Variants in TM4SF18 observed in about 807,000 individuals in gnomAD.
TM4SF18 encodes transmembrane 4 L six family member 18.
In TM4SF18, 22 loss-of-function variants were observed where a neutral mutation model predicts 23.8. The observed-to-expected ratio is 0.92, with a 90% CI of 0.66 to 1.32. The LOEUF is 1.32. TM4SF18 is among the 40% of genes most tolerant of loss of function. The pLI is 0.00. For synonymous variants in TM4SF18, 87 were observed against 87.9 expected (o/e 0.99, Z 0.06); for missense variants, 255 against 240.3 (o/e 1.06, Z -0.41).
chr3:149,330,878 T>A (rs528179355), intron 2 of TM4SF18, among the ~76,000 whole-genome samples: 3 of 152,324 alleles, frequency 2.0e-5, no homozygotes, highest in Non-Finnish European at 4.4e-5. Context: ...AGAGGCTCAG[T>A]TAATCTGAAA....
intron 3 of TM4SF18, among the ~76,000 whole-genome samples, chr3:149,328,282 G>GTCCTCGCA (rs1731000575): frequency 6.6e-6 from 1 of 152,116 alleles, no homozygotes; most frequent in African/African-American, 2.4e-5. Context: ...CCTTCTATGT[G>GTCCTCGCA]TCCTCGCATG....
Position 149,322,229 on chromosome 3 carries a change from C to A in TM4SF18, c.591+27G>T, listed in dbSNP as rs748708322. On this transcript the variant is annotated intron_variant, in intron 5 of 5. Coordinates refer to ENST00000296059, the MANE Select transcript of TM4SF18 (RefSeq NM_138786.4). ...GGGAAGTGGGGGAAATATGGATGAG[C>A]TACAGGTGCCCATGAGAATCTGTTA... The A allele has an allele frequency of 4.4e-6, 7 of 1,588,772 alleles. No individual in the cohort carries two copies. In the South Asian group the frequency reaches 8.0e-5, roughly 18 times the overall value.
chr3:149,326,140 T>C (rs1452016839), intron 3 of TM4SF18, among the ~76,000 whole-genome samples: 1 of 151,440 alleles, frequency 6.6e-6, no homozygotes, highest in African/African-American at 2.5e-5. Flanking sequence ...AACTTTTAAA[T>C]TTTTTTTGTA....
Position 149,324,936 on chromosome 3 carries a change from C to T in TM4SF18, c.354G>A (p.Gly118=), listed in dbSNP as rs1730903093. 6.2e-7 allele frequency: 1 copy of T among 1,614,004 alleles called. No individual in the cohort carries two copies. The highest frequency in any genetic ancestry group is 1.3e-5 in the African/African-American group (1 of 74,896). Residue 118 remains glycine, a synonymous_variant, in exon 4 of 6, where the codon GGG becomes GGA. Transcript: ENST00000296059. ...AGCCATCAAGGGTGCGGCAATATGG[C>T]CCTTGGACAAGACCCAAGGCAGAGA... ...LVISALGLVQ[G]PYCRTLDGWE... is the part of the protein sequence containing the mutation.
Position 149,319,016 on chromosome 3 carries a change from A to C in TM4SF18, c.*2462T>G, listed in dbSNP as rs778208320. On this transcript the variant is annotated 3_prime_UTR_variant, in exon 6 of 6. Coordinates refer to ENST00000296059, the MANE Select transcript of TM4SF18 (RefSeq NM_138786.4). ...TTAGCATATACTCTTCAAATATAGA[A>C]TATTTGGTGGCTGTGTTAAAATTTA... 1 of 152,234 alleles carries C rather than the reference A, an allele frequency of 6.6e-6. No homozygotes were observed. The highest frequency in any genetic ancestry group is 3.4e-3 in the Middle Eastern group (1 of 294). 9.4% of individuals were successfully genotyped at this position (152,234 alleles called of 1,614,324 possible). A position where few individuals can be genotyped will look rare whatever the true frequency, so the allele number is the denominator to read the frequency against.
rs200508709 is a variant in TM4SF18, at chr3:149,330,074, CTTAG to C, written c.267+252_267+255del. 701 of 263,610 alleles carry C rather than the reference CTTAG, an allele frequency of 2.7e-3. 3 individuals carry two copies. Among genetic ancestry groups the C allele is most frequent in the African/African-American group, 0.011 (497 of 45,434 alleles). 16.3% of individuals were successfully genotyped at this position (263,610 alleles called of 1,614,324 possible). On this transcript the variant is annotated intron_variant, in intron 3 of 5. Transcript: ENST00000296059. ...TAAAGAAAAAATAGACTAATGGAAA[CTTAG>C]TTAGGAAAAAAAAGTATTATTTCCT...
rs568217771 is a variant in TM4SF18 at position 149,327,213 on chromosome 3, G to A, written c.268-2191C>T. 2.0e-5 allele frequency among the ~76,000 whole-genome samples: 3 copies of A among 152,334 alleles called. No individual in the cohort carries two copies. In the South Asian group the frequency reaches 6.2e-4, roughly 32 times the overall value. On this transcript the variant is annotated intron_variant, in intron 3 of 5. Transcript: ENST00000296059. The stretch of plus-strand genomic sequence containing the variant: ...GATCCACCTGCCTTGGCCTCCCAAA[G>A]TGCTGGGATTACAGGCATGAGCCGC...
chr3:149,329,163 C>CAT (rs1462496076), intron 3 of TM4SF18, among the ~76,000 whole-genome samples: 1 of 119,798 alleles, frequency 8.3e-6, no homozygotes, highest in East Asian at 2.1e-4. Context: ...TGGTCACACA[C>CAT]ACACACACAC....
In TM4SF18 at chr3:149,333,156, T is replaced by A. The variant is rs745586243; in HGVS notation, c.177+50A>T. The A allele has an allele frequency of 8.0e-6, 12 of 1,497,188 alleles. No individual in the cohort carries two copies. The Admixed American group carries it at 2.1e-4, about 27-fold the overall frequency. The allele number at this position is 1,497,188 out of a possible 1,614,324, so 92.7% of individuals were successfully genotyped here. On this transcript the variant is annotated intron_variant, in intron 2 of 5. Coordinates refer to ENST00000296059, the MANE Select transcript of TM4SF18 (RefSeq NM_138786.4). ...TTACTTCTACTAGTTACAAGGTAAG[T>A]CTCAATTACAACTCCCCCTTCTCTC... is the stretch of plus-strand genomic sequence containing the variant.
rs1383617184 is a variant in TM4SF18, at chr3:149,333,589, T to G, written c.-94A>C. The G allele has an allele frequency of 2.4e-6, 1 of 424,792 alleles. No individual in the cohort carries two copies. Among genetic ancestry groups the G allele is most frequent in the South Asian group, 8.5e-5 (1 of 11,830 alleles). The allele number at this position is 424,792 out of a possible 1,614,324, so 26.3% of individuals were successfully genotyped here. On this transcript the variant is annotated 5_prime_UTR_variant, in exon 1 of 6. Coordinates refer to ENST00000296059, the MANE Select transcript of TM4SF18 (RefSeq NM_138786.4). ...TGGAATATACCCGCAGCCGACAATC[T>G]CAGTGTGAAATACTGGTTTACTGTT... is the stretch of plus-strand genomic sequence containing the variant.
At chr3:149,321,645 A>C (rs890283291) in intron 5 of TM4SF18, among the ~76,000 whole-genome samples, 153 bp from the exon 6 acceptor site, 17 of 152,254 alleles carry the variant, frequency 1.1e-4, no homozygotes, top group Non-Finnish European at 2.4e-4. Context: ...GAAAGGTATT[A>C]CACATTCTGT....
At position 149,321,502 on chromosome 3, in the gene TM4SF18, A is replaced by G; in HGVS notation, c.592-10T>C. On this transcript the variant is annotated splice_polypyrimidine_tract_variant and intron_variant, in intron 5 of 5. Coordinates refer to ENST00000296059, the MANE Select transcript of TM4SF18 (RefSeq NM_138786.4). ...TTCAAATGATTCCAGGCTATAGGAA[A>G]AAAGGAAAAACAAAGTGATTAAAGT... 6.4e-7 allele frequency: 1 copy of G among 1,574,406 alleles called. No homozygotes were observed. Among genetic ancestry groups the G allele is most frequent in the Non-Finnish European group, 8.7e-7 (1 of 1,155,998 alleles).
rs555886702 is a variant in TM4SF18, at chr3:149,324,963, G to A, written c.327C>T (p.Val109=). The A allele has an allele frequency of 1.2e-6, 2 of 1,614,154 alleles. No individual in the cohort carries two copies. Among genetic ancestry groups the A allele is most frequent in the Non-Finnish European group, 1.7e-6 (2 of 1,180,006 alleles). Residue 109 remains valine, a synonymous_variant, in exon 4 of 6, where the codon GTC becomes GTT. Transcript: ENST00000296059. ...LGIAFSGYCL[V]ISALGLVQGP... ...CTTGGACAAGACCCAAGGCAGAGAT[G>A]ACCAGGCAGTATCCAGAAAAAGCAA...
At chr3:149,322,812 C>T (rs1178783440) in intron 4 of TM4SF18, among the ~76,000 whole-genome samples, 1 of 152,004 alleles carries the variant, frequency 6.6e-6, no homozygotes, top group African/African-American at 2.4e-5. Context: ...GCTCTTGTCT[C>T]CAATGGGAAA....
Position 149,328,393 on chromosome 3 carries a change from TCCC to T in TM4SF18, c.267+1934_267+1936del, listed in dbSNP as rs201922670. On this transcript the variant is annotated intron_variant, in intron 3 of 5. Transcript: ENST00000296059. ...CATAACTTAGTCACTTCCAAAAACA[TCCC>T]ACCTCTTAATATCGCCACAGTGAGA... Among the ~76,000 whole-genome samples the T allele has an allele frequency of 2.0e-5, 3 of 152,240 alleles. No individual in the cohort carries two copies. The East Asian group carries it at 5.8e-4, about 29-fold the overall frequency.
rs574307686 is a variant in TM4SF18 at position 149,319,924 on chromosome 3, C to G, written c.*1554G>C. 1 of 152,382 alleles carries G rather than the reference C, an allele frequency of 6.6e-6. No individual in the cohort carries two copies. Among genetic ancestry groups the G allele is most frequent in the East Asian group, 1.9e-4 (1 of 5,180 alleles). The allele number at this position is 152,382 out of a possible 1,614,324, so 9.4% of individuals were successfully genotyped here. A position where few individuals can be genotyped will look rare whatever the true frequency, so the allele number is the denominator to read the frequency against. The stretch of plus-strand genomic sequence containing the variant: ...GCCATTAGCAAGACAATAGGCTGCC[C>G]ATGACTCTGGGGCCTGCCCCAGTTC... On this transcript the variant is annotated 3_prime_UTR_variant, in exon 6 of 6. Coordinates refer to ENST00000296059, the MANE Select transcript of TM4SF18 (RefSeq NM_138786.4).
rs1730774866 is a variant in TM4SF18 at position 149,320,234 on chromosome 3, G to A, written c.*1244C>T. The A allele has an allele frequency of 6.6e-6, 1 of 152,284 alleles. No homozygotes were observed. Among genetic ancestry groups the A allele is most frequent in the African/African-American group, 2.4e-5 (1 of 41,444 alleles). The allele number at this position is 152,284 out of a possible 1,614,324, so 9.4% of individuals were successfully genotyped here. A position where few individuals can be genotyped will look rare whatever the true frequency, so the allele number is the denominator to read the frequency against. ...CCTGTGATGGAAGCAGTGCTCAGCA[G>A]GGTAACTACAGGAAGCAGAAAACCT... On this transcript the variant is annotated 3_prime_UTR_variant, in exon 6 of 6. Transcript: ENST00000296059.
chr3:149,333,254 G>A lies in TM4SF18; in HGVS notation c.129C>T (p.Leu43=), dbSNP rs999674910. Residue 43 remains leucine (L), a synonymous_variant, in exon 2 of 6, where the codon CTC becomes CTT. Transcript: ENST00000296059. ...GQTSYASSNK[L]TNYVWYFEGI... is the part of the protein sequence containing the mutation. The stretch of plus-strand genomic sequence containing the variant: ...CTTCAAAATACCACACGTAGTTGGT[G>A]AGTTTATTGCTGGATGCATAGGAAG... The A allele has an allele frequency of 3.7e-6, 6 of 1,613,426 alleles. No individual in the cohort carries two copies. The highest frequency in any genetic ancestry group is 5.1e-6 in the Non-Finnish European group (6 of 1,179,740).
intron 4 of TM4SF18, 44 bp downstream of exon 4, chr3:149,324,836 T>A (rs1292073814): frequency 1.2e-6 from 2 of 1,610,628 alleles, no homozygotes; most frequent in East Asian, 4.5e-5. Flanking sequence ...AGGCAAGGTG[T>A]TTCTGATTTT....
Sources: gnomAD v4.1 joint callset for allele counts (sites outside exome capture counted in the v4.1 genomes callset) on GRCh38, gnomAD v4.1.1 for gene constraint, MANE v1.5 for transcripts, NCBI Gene and HGNC (gene_info 2026-07-23, HGNC 2026-07-21) for gene names.